Variants in FCER1A observed in about 807,000 individuals in gnomAD.
FCER1A encodes high affinity immunoglobulin epsilon receptor subunit alpha.
A neutral mutation model predicts 23.6 loss-of-function variants in FCER1A; 24 were observed. The ratio of observed to expected loss-of-function variants is 1.02; its 90% confidence interval spans 0.74 to 1.43. The LOEUF is 1.43. Ranked by LOEUF, FCER1A falls within the 40% of genes most tolerant of loss-of-function variation. FCER1A has a pLI of 0.00. For synonymous variants in FCER1A, 121 were observed against 108.8 expected (o/e 1.11, Z -0.70); for missense variants, 318 against 294.5 (o/e 1.08, Z -0.58).
At position 159,304,066 on chromosome 1, in the gene FCER1A, A is replaced by C; in HGVS notation, c.215A>C (p.Glu72Ala). 2 of 1,614,192 alleles carry C rather than the reference A, an allele frequency of 1.2e-6. No individual in the cohort carries two copies. Among genetic ancestry groups the C allele is most frequent in the Non-Finnish European group, 1.7e-6 (2 of 1,180,002 alleles). The change falls in exon 3 of 5, where the codon GAA becomes GCA. Residue 72 changes from glutamate to alanine, a missense_variant. Physicochemically the swap from Glu to Ala is moderately radical, Grantham distance 107. Transcript: ENST00000693622. ...TGGTTCCACAATGGCAGCCTTTCAG[A>C]AGAGACAAATTCAAGTTTGAATATT... ...TKWFHNGSLS[E>A]ETNSSLNIVN... is the part of the protein sequence containing the mutation.
At chr1:159,302,306 C>A, upstream of FCER1A, 1 of 1,196,608 alleles carries the variant, frequency 8.4e-7, no homozygotes, top group Non-Finnish European at 1.2e-6. Flanking sequence ...TGGTTTTAAG[C>A]CTATATTTGA....
At chr1:159,290,186 C>G (rs1253779276) in intron 1 of FCER1A, among the ~76,000 whole-genome samples, 1 of 152,092 alleles carries the variant, frequency 6.6e-6, no homozygotes, top group East Asian at 1.9e-4. Flanking sequence ...GCCGCCCACT[C>G]CAGAGCCTCT....
upstream of FCER1A, among the ~76,000 whole-genome samples, chr1:159,298,973 AT>A (rs1267432294): frequency 2.6e-5 from 4 of 152,226 alleles, no homozygotes; most frequent in African/African-American, 9.6e-5. Flanking sequence ...CTATCTGTCA[AT>A]CAATCATCTA....
rs1652660858 is a variant in FCER1A, at chr1:159,307,815, C to T, written c.657C>T (p.Asp219=). ...TGGTGGTGATTCTGTTTGCTGTGGACACAGGATTATTTATCTCAACTCAGC... is the reference window on the plus strand; with the variant it reads ...TGGTGGTGATTCTGTTTGCTGTGGATACAGGATTATTTATCTCAACTCAGC... The part of the protein sequence containing the change: ...PLLVVILFAV[D]TGLFISTQQQ... The change falls in exon 5 of 5, where the codon GAC becomes GAT. Residue 219 remains aspartate, a synonymous_variant. Coordinates refer to ENST00000693622, the MANE Select transcript of FCER1A (RefSeq NM_001387280.1). 1.9e-6 allele frequency: 3 copies of T among 1,612,614 alleles called. No homozygotes were observed. The highest frequency in any genetic ancestry group is 2.5e-6 in the Non-Finnish European group (3 of 1,178,874).
upstream of FCER1A, chr1:159,302,292 T>G: frequency 2.0e-6 from 2 of 1,015,900 alleles, no homozygotes; most frequent in South Asian, 2.6e-5. Flanking sequence ...TTCCTTCTGC[T>G]TTTTGGTTTT....
intron 1 of FCER1A, among the ~76,000 whole-genome samples, chr1:159,291,147 A>G (rs1652141749): frequency 6.6e-6 from 1 of 152,176 alleles, no homozygotes. Flanking sequence ...CAAGGAATAG[A>G]ATATTCTGCA....
upstream of FCER1A, among the ~76,000 whole-genome samples, chr1:159,286,436 C>G (rs1260874559): frequency 6.6e-6 from 1 of 151,628 alleles, no homozygotes; most frequent in Non-Finnish European, 1.5e-5. Flanking sequence ...GGGTTCATGC[C>G]ATTCTCCTGC....
At chr1:159,304,451 T>C (rs1294247539) in intron 3 of FCER1A, among the ~76,000 whole-genome samples, 1 of 151,712 alleles carries the variant, frequency 6.6e-6, no homozygotes, top group Non-Finnish European at 1.5e-5. Flanking sequence ...AATATATATA[T>C]ATAAAATTAG....
At chr1:159,302,450 G>A in intron 1 of FCER1A, 31 bp downstream of exon 1, 1 of 1,511,412 alleles carries the variant, frequency 6.6e-7, no homozygotes. Flanking sequence ...CCCTCCCAGG[G>A]AGGCCCAAAT....
intron 2 of FCER1A, among the ~76,000 whole-genome samples, chr1:159,303,433 T>C (rs897684797): frequency 2.7e-5 from 4 of 148,186 alleles, no homozygotes; most frequent in Non-Finnish European, 6.1e-5. Context: ...TGTTTTTCAC[T>C]CTGTATATAC....
intron 1 of FCER1A, among the ~76,000 whole-genome samples, chr1:159,292,030 T>C (rs1034235013): frequency 6.6e-6 from 1 of 152,142 alleles, no homozygotes; most frequent in African/African-American, 2.4e-5. Context: ...ATCAGCTGTT[T>C]TCTCTAGCCT....
upstream of FCER1A, among the ~76,000 whole-genome samples, chr1:159,300,134 C>T (rs1271278751): frequency 2.0e-5 from 3 of 152,044 alleles, no homozygotes; most frequent in Non-Finnish European, 4.4e-5. Context: ...ATGATAAATC[C>T]AAAGTTTCAG....
upstream of FCER1A, among the ~76,000 whole-genome samples, chr1:159,287,280 A>G (rs1295769542): frequency 6.6e-6 from 1 of 152,228 alleles, no homozygotes; most frequent in Admixed American, 6.5e-5. Context: ...AAAGAATTTC[A>G]GCTTCCTTTT....
chr1:159,305,881 A>G, intron 3 of FCER1A, 107 bp from the exon 4 acceptor site: 1 of 989,500 alleles, frequency 1.0e-6, no homozygotes, highest in Non-Finnish European at 1.5e-6. Flanking sequence ...TGAGTTAATG[A>G]TAATTCATAG....
upstream of FCER1A, among the ~76,000 whole-genome samples, chr1:159,300,939 T>C (rs1351220227): frequency 2.0e-5 from 3 of 152,212 alleles, no homozygotes; most frequent in African/African-American, 4.8e-5. Context: ...AACTTGCTGT[T>C]ACCTTTAAGG....
At chr1:159,307,654 T>TAAAAA in intron 4 of FCER1A, 94 bp from the exon 5 acceptor site, 1 of 890,590 alleles carries the variant, frequency 1.1e-6, no homozygotes, top group Non-Finnish European at 1.7e-6. Flanking sequence ...AGGACAAAGC[T>TAAAAA]TGGTCTTTCT....
upstream of FCER1A, among the ~76,000 whole-genome samples, chr1:159,286,105 G>C (rs140311184): frequency 0.044 from 6,731 of 151,718 alleles, 175 homozygotes; most frequent in Middle Eastern, 0.1. Context: ...CAGGAGAACT[G>C]CTTGAACCCG....
At chr1:159,298,488 T>C (rs535091208), upstream of FCER1A, among the ~76,000 whole-genome samples, 19 of 152,176 alleles carry the variant, frequency 1.2e-4, no homozygotes, top group Non-Finnish European at 2.2e-4. Flanking sequence ...TTTATTTCCT[T>C]TGGATTTATT....
At chr1:159,304,221 G>T (rs1197785149) in intron 3 of FCER1A, 39 bp downstream of exon 3, 6 of 1,593,116 alleles carry the variant, frequency 3.8e-6, no homozygotes, top group Non-Finnish European at 5.1e-6. Context: ...TCTCTCATGT[G>T]AGGGATGGCT....
Sources: allele counts gnomAD v4.1 joint callset (sites outside exome capture counted in the v4.1 genomes callset), GRCh38; gene constraint gnomAD v4.1.1; transcripts MANE v1.5; gene names NCBI Gene and HGNC (gene_info 2026-07-23, HGNC 2026-07-21).